FBXL13: variants seen among roughly 807,000 people sequenced by gnomAD.
FBXL13 encodes F-box and leucine rich repeat protein 13.
Under a neutral mutation model 83.6 loss-of-function variants are expected in FBXL13, and 67 were observed. The observed-to-expected ratio is 0.80, with a 90% CI of 0.66 to 0.98. The LOEUF (loss-of-function observed/expected upper bound fraction) is 0.98, where lower values mean the gene tolerates loss of function less well. Ranked by LOEUF, FBXL13 falls within the 50% of genes least tolerant of loss-of-function variation. The pLI, the probability that FBXL13 is intolerant of heterozygous loss-of-function variation, is 0.00. For synonymous variants in FBXL13, 272 were observed against 299.5 expected (o/e 0.91, Z 0.95); for missense variants, 822 against 866.5 (o/e 0.95, Z 0.64).
In FBXL13 at chr7:102,939,326, C is replaced by G. The variant is rs1221277221; in HGVS notation, c.725-7393G>C. ...TCTTTGGCTTTAGATATCCCTTTAC[C>G]CCTTCTCTTTAAGAGCTGATTCTTC... On this transcript the variant is annotated intron_variant, in intron 8 of 19. Coordinates refer to ENST00000313221, the Ensembl canonical transcript of FBXL13. The G allele has an allele frequency of 4.2e-6, 4 of 942,170 alleles. No individual in the cohort carries two copies. In the East Asian group the frequency reaches 7.7e-5, roughly 18 times the overall value. The allele number at this position is 942,170 out of a possible 1,614,324, so 58.4% of individuals were successfully genotyped here. A position where few individuals can be genotyped will look rare whatever the true frequency, so the allele number is the denominator to read the frequency against.
At chr7:102,962,091 C>T (rs1392071543) in intron 8 of FBXL13, among the ~76,000 whole-genome samples, 1 of 151,270 alleles carries the variant, frequency 6.6e-6, no homozygotes, top group Non-Finnish European at 1.5e-5. Flanking sequence ...ACTCATCTGA[C>T]AAAGGGCTAA....
intron 8 of FBXL13, among the ~76,000 whole-genome samples, chr7:102,939,918 G>C (rs1055118173): frequency 1.3e-5 from 2 of 151,900 alleles, no homozygotes; most frequent in Non-Finnish European, 2.9e-5. Flanking sequence ...TTTTGAGATG[G>C]AGTCTCACTC....
intron 10 of FBXL13, among the ~76,000 whole-genome samples, chr7:102,916,068 C>T (rs1815808464): frequency 6.6e-6 from 1 of 151,928 alleles, no homozygotes; most frequent in African/African-American, 2.4e-5. Context: ...ACTGCAACCT[C>T]CACCTCCCAG....
chr7:102,866,414 G>A (rs897647089), intron 16 of FBXL13, among the ~76,000 whole-genome samples: 2 of 152,118 alleles, frequency 1.3e-5, no homozygotes, highest in Non-Finnish European at 2.9e-5. Flanking sequence ...TGGAGAGAAG[G>A]GCCTGAGGAG....
intron 8 of FBXL13, among the ~76,000 whole-genome samples, chr7:102,954,516 C>G (rs867128411): frequency 6.6e-6 from 1 of 152,086 alleles, no homozygotes; most frequent in African/African-American, 2.4e-5. Context: ...AACATCATAA[C>G]GACAGGAAAA....
chr7:102,829,008 G>C (rs1282196144), intron 18 of FBXL13, among the ~76,000 whole-genome samples: 2 of 152,132 alleles, frequency 1.3e-5, no homozygotes, highest in East Asian at 1.9e-4. Context: ...CTGAGGATAG[G>C]GGGTACTGAC....
intron 2 of FBXL13, among the ~76,000 whole-genome samples, chr7:103,035,030 T>A (rs79159324): frequency 0.011 from 1,672 of 152,296 alleles, 34 homozygotes; most frequent in African/African-American, 0.039. Context: ...GCGGCTTTAG[T>A]CTTGAAGTAT....
Position 102,963,978 on chromosome 7 carries a change from A to G in FBXL13, c.592-313T>C, listed in dbSNP as rs562702552. Among the ~76,000 whole-genome samples the G allele has an allele frequency of 9.8e-5, 15 of 152,366 alleles. No homozygotes were observed. The East Asian group carries it at 2.9e-3, about 29-fold the overall frequency. On this transcript the variant is annotated intron_variant, in intron 7 of 19. Coordinates refer to ENST00000313221, the Ensembl canonical transcript of FBXL13. ...AATACAAGTGGCCAAGAAATAGATG[A>G]GAAAATGATCCACATCATTATCAGA...
rs571501072 is a variant in FBXL13 at position 102,928,878 on chromosome 7, A to G, written c.778-2504T>C. 2.6e-5 allele frequency among the ~76,000 whole-genome samples: 4 copies of G among 152,372 alleles called. No individual in the cohort carries two copies. In the East Asian group the frequency reaches 5.8e-4, roughly 22 times the overall value. On this transcript the variant is annotated intron_variant, in intron 9 of 19. Coordinates refer to ENST00000313221, the Ensembl canonical transcript of FBXL13. ...ACGTTCACTTTGCTAGTGGAGAAAG[A>G]GTGCAACCAGAGAAAGCAGAACATT...
chr7:103,028,704 G>C, exon 4 of FBXL13: 2 of 1,600,250 alleles, frequency 1.2e-6, no homozygotes, highest in Non-Finnish European at 1.7e-6. Flanking sequence ...CATTTTTTCA[G>C]CCAGGACGAC....
At chr7:103,055,109 A>C (rs1797212108) in intron 2 of FBXL13, 1 of 1,288,266 alleles carries the variant, frequency 7.8e-7, no homozygotes, top group African/African-American at 1.5e-5. Context: ...CCAATTCAAA[A>C]AGTTGTTCCA....
At chr7:102,932,151 A>T (rs1819302066) in intron 8 of FBXL13, among the ~76,000 whole-genome samples, 1 of 152,234 alleles carries the variant, frequency 6.6e-6, no homozygotes, top group Admixed American at 6.5e-5. Flanking sequence ...TGAGGATTAT[A>T]GGAGTAAGGG....
At chr7:103,062,044 A>AAC (rs1491091873) in intron 1 of FBXL13, among the ~76,000 whole-genome samples, 14 of 134,018 alleles carry the variant, frequency 1.0e-4, no homozygotes, top group African/African-American at 4.3e-4. Context: ...AAAAAAAAAA[A>AAC]CAAACCTTTG....
rs557857681 is a variant in FBXL13, at chr7:103,069,423, G to A, written c.-105+4823C>T. Among the ~76,000 whole-genome samples, 19 of 152,272 alleles carry A rather than the reference G, an allele frequency of 1.2e-4. 1 individual carries two copies. In the South Asian group the frequency reaches 3.7e-3, roughly 30 times the overall value. On this transcript the variant is annotated intron_variant, in intron 1 of 19. Coordinates refer to ENST00000313221, the Ensembl canonical transcript of FBXL13. ...TTACTTTTAAAAGTTTTAAATTGGG[G>A]AATATATATACATATATAAAAGTTG...
chr7:102,934,408 G>A (rs775752357), intron 8 of FBXL13: 15 of 1,614,032 alleles, frequency 9.3e-6, no homozygotes, highest in African/African-American at 1.3e-5. Flanking sequence ...ACAACCCCTG[G>A]CACTGTACTT....
At chr7:102,986,990 AT>A (rs1211219895) in intron 6 of FBXL13, among the ~76,000 whole-genome samples, 2 of 152,042 alleles carry the variant, frequency 1.3e-5, no homozygotes, top group Non-Finnish European at 2.9e-5. Context: ...TAAAAAAAAA[AT>A]GTATTTTGCA....
At chr7:102,923,220 A>G (rs1188348072) in intron 10 of FBXL13, among the ~76,000 whole-genome samples, 2 of 152,232 alleles carry the variant, frequency 1.3e-5, no homozygotes, top group African/African-American at 2.4e-5. Context: ...GGCTACAGAC[A>G]TGACCTACTT....
intron 6 of FBXL13, among the ~76,000 whole-genome samples, chr7:102,981,403 C>CCTGTGCAAATGA (rs1563182661): frequency 2.0e-3 from 1 of 488 alleles, no homozygotes; most frequent in Non-Finnish European, 0.026. Context: ...GCACACCTTT[C>CCTGTGCAAATGA]CCCCCCTTAC....
intron 8 of FBXL13, 151 bp downstream of exon 9, chr7:102,963,382 A>C: frequency 1.2e-6 from 1 of 853,348 alleles, no homozygotes; most frequent in Non-Finnish European, 1.7e-6. Context: ...TAAGAGCTGC[A>C]CTATATTATA....
Sources: gnomAD v4.1 joint callset for allele counts (sites outside exome capture counted in the v4.1 genomes callset) on GRCh38, gnomAD v4.1.1 for gene constraint, MANE v1.5 for transcripts, NCBI Gene and HGNC (gene_info 2026-07-23, HGNC 2026-07-21) for gene names.